REXO1: variants seen among roughly 807,000 people sequenced by gnomAD.
The protein encoded by REXO1 is REX1, RNA exonuclease 1 homolog.
A neutral mutation model predicts 102.6 loss-of-function variants in REXO1; 42 were observed. That is an observed-to-expected ratio of 0.41 (90% CI 0.32 to 0.53). REXO1 has a LOEUF of 0.53. Ranked by LOEUF, REXO1 falls within the 20% of genes least tolerant of loss-of-function variation. The pLI, the probability that REXO1 is intolerant of heterozygous loss-of-function variation, is 0.27. For synonymous variants in REXO1, 908 were observed against 779.1 expected (o/e 1.17, Z -2.76); for missense variants, 1,819 against 1,732.5 (o/e 1.05, Z -0.89).
Position 1,815,570 on chromosome 19 carries a change from A to C in REXO1, c.*496T>G. The C allele has an allele frequency of 1.2e-4, 63 of 537,926 alleles. No individual in the cohort carries two copies. The highest frequency in any genetic ancestry group is 1.5e-4 in the Non-Finnish European group (55 of 366,256). The allele number at this position is 537,926 out of a possible 1,614,324, so 33.3% of individuals were successfully genotyped here. The stretch of plus-strand genomic sequence containing the variant: ...GGGGTCTGTCCCACCCCCACCCCGC[A>C]GGAGGGAAGGCAGCAGGCCCGCTCT... On this transcript the variant is annotated 3_prime_UTR_variant, in exon 16 of 16. Coordinates refer to ENST00000170168, the MANE Select transcript of REXO1 (RefSeq NM_020695.4). The surrounding 1 kb of genome is among the most constrained non-coding windows in gnomAD (Gnocchi z 4.0).
At chr19:1,829,362 C>A (rs1055499458) in intron 1 of REXO1, among the ~76,000 whole-genome samples, 1 of 152,098 alleles carries the variant, frequency 6.6e-6, no homozygotes, top group African/African-American at 2.4e-5. Context: ...CCTCAGCCCC[C>A]CAAGTAGCTG....
intron 12 of REXO1, 119 bp downstream of exon 12, chr19:1,817,100 C>T (rs1555816438): frequency 1.5e-5 from 19 of 1,252,724 alleles, no homozygotes; most frequent in East Asian, 5.1e-5. Flanking sequence ...ACCGGTGCTG[C>T]GAGAGAAACC....
chr19:1,819,385 G>C lies in REXO1; in HGVS notation c.2651-254C>G, dbSNP rs546507511. Among the ~76,000 whole-genome samples, 5 of 152,240 alleles carry C rather than the reference G, an allele frequency of 3.3e-5. No individual in the cohort carries two copies. In the East Asian group the frequency reaches 7.7e-4, roughly 24 times the overall value. On this transcript the variant is annotated intron_variant, in intron 7 of 15. Transcript: ENST00000170168. Reference sequence around the variant, plus strand: ...CGGAGGCCCCACACCCAAAGTCTTCGTCCCCTCCCCTCAAGCGAAGGGGGA... The same window carrying C: ...CGGAGGCCCCACACCCAAAGTCTTCCTCCCCTCCCCTCAAGCGAAGGGGGA...
In REXO1 at chr19:1,827,580, G is replaced by A. The variant is rs756207396; in HGVS notation, c.1209C>T (p.Gly403=). The change falls in exon 2 of 16, where the codon GGC becomes GGT. Residue 403 remains glycine (G), a synonymous_variant. Coordinates refer to ENST00000170168, the MANE Select transcript of REXO1 (RefSeq NM_020695.4). ...GGGGCTTCTCCACAGGCCGCCCTCG[G>A]CCCTTGTCCTTGGTCTTGTCCTTCC... ...AQGKDKTKDK[G]RGRPVEKPRA... The A allele has an allele frequency of 1.9e-6, 3 of 1,592,566 alleles. No homozygotes were observed. In the East Asian group the frequency reaches 6.7e-5, roughly 36 times the overall value.
chr19:1,839,784 G>C (rs910641920), intron 1 of REXO1, among the ~76,000 whole-genome samples: 1 of 152,222 alleles, frequency 6.6e-6, no homozygotes, highest in Admixed American at 6.5e-5. Context: ...AGTCCTCCCT[G>C]CAGAAGCAGC....
At chr19:1,818,214 C>T (rs1475484330) in intron 10 of REXO1, among the ~76,000 whole-genome samples, 1 of 152,200 alleles carries the variant, frequency 6.6e-6, no homozygotes, top group African/African-American at 2.4e-5. Flanking sequence ...ACCAAGGGCA[C>T]AGGAAGGCAG....
intron 11 of REXO1, 60 bp from the exon 12 acceptor site, chr19:1,817,389 G>A: frequency 1.3e-6 from 2 of 1,596,464 alleles, no homozygotes; most frequent in Non-Finnish European, 8.5e-7. Context: ...GGGGGTGGCA[G>A]CAGCAGCACA....
chr19:1,843,991 G>T (rs1198710254), intron 1 of REXO1, among the ~76,000 whole-genome samples: 1 of 152,230 alleles, frequency 6.6e-6, no homozygotes, highest in Admixed American at 6.5e-5. Context: ...CAGAGTTTCC[G>T]AGGAGAGCTG....
intron 15 of REXO1, 21 bp from the exon 16 acceptor site, chr19:1,816,175 G>A (rs1230195775): frequency 6.4e-7 from 1 of 1,555,702 alleles, no homozygotes; most frequent in African/African-American, 1.4e-5. Context: ...GATGCGGTGA[G>A]CACCCGGCCC....
rs959352541 is a variant in REXO1, at chr19:1,832,444, C to T, written c.158-3813G>A. Among the ~76,000 whole-genome samples the T allele has an allele frequency of 1.6e-4, 25 of 152,342 alleles. 1 individual carries two copies. The highest frequency in any genetic ancestry group is 4.6e-4 in the Admixed American group (7 of 15,304). ...GAAGGCGGAAGGCCCCTCCTGTTCC[C>T]GGGAACCCTGCAGGGACAGCGGGAG... On this transcript the variant is annotated intron_variant, in intron 1 of 15. Coordinates refer to ENST00000170168, the MANE Select transcript of REXO1 (RefSeq NM_020695.4).
intron 4 of REXO1, chr19:1,823,021 C>T (rs35654074): frequency 6.5e-6 from 1 of 152,784 alleles, no homozygotes; most frequent in Non-Finnish European, 1.5e-5. Context: ...ACAGACACCA[C>T]TGATGTGAAG....
At chr19:1,833,983 C>A (rs944531251) in intron 1 of REXO1, among the ~76,000 whole-genome samples, 18 of 152,158 alleles carry the variant, frequency 1.2e-4, no homozygotes, top group Non-Finnish European at 2.6e-4. Context: ...AGGCTCTCCT[C>A]CCCAGGCAGG....
chr19:1,839,234 G>A (rs1183608375), intron 1 of REXO1, among the ~76,000 whole-genome samples: 2 of 145,690 alleles, frequency 1.4e-5, no homozygotes, highest in Non-Finnish European at 3.0e-5. Context: ...CAGCCAGGGC[G>A]ACAGAGCGAG....
intron 1 of REXO1, among the ~76,000 whole-genome samples, chr19:1,834,172 C>T (rs569459037): frequency 4.9e-4 from 75 of 152,274 alleles, no homozygotes; most frequent in African/African-American, 1.4e-3. Context: ...CCAAGAGTCA[C>T]AGGCAATACA....
intron 4 of REXO1, chr19:1,822,069 T>C (rs1033413219): frequency 8.4e-6 from 4 of 473,674 alleles, no homozygotes; most frequent in Non-Finnish European, 1.5e-5. Context: ...CTGCGGCCTC[T>C]GTGTTCTGCC....
Position 1,816,415 on chromosome 19 carries a change from CG to C in REXO1, c.3456+15del, listed in dbSNP as rs751682239. 78 of 1,608,382 alleles carry C rather than the reference CG, an allele frequency of 4.8e-5. No individual in the cohort carries two copies. The highest frequency in any genetic ancestry group is 6.5e-5 in the Non-Finnish European group (76 of 1,178,034). Reference sequence around the variant, plus strand: ...TCCTGCTGGAGAACCGCGCGGGACCCGGGCCGGCAGGGCACCTTCAGGGCCA... The same window carrying C: ...TCCTGCTGGAGAACCGCGCGGGACCCGGCCGGCAGGGCACCTTCAGGGCCA... On this transcript the variant is annotated intron_variant, in intron 14 of 15. Coordinates refer to ENST00000170168, the MANE Select transcript of REXO1 (RefSeq NM_020695.4).
intron 1 of REXO1, among the ~76,000 whole-genome samples, chr19:1,834,352 G>A (rs935773511): frequency 2.0e-5 from 3 of 152,174 alleles, no homozygotes; most frequent in Admixed American, 6.5e-5. Context: ...CAAGCAGAGC[G>A]CAGGACAGGT....
chr19:1,836,127 T>C (rs2070030985), intron 1 of REXO1, among the ~76,000 whole-genome samples: 1 of 152,076 alleles, frequency 6.6e-6, no homozygotes, highest in African/African-American at 2.4e-5. Flanking sequence ...TCCACTCTCC[T>C]CTCTGCTCCC....
At position 1,827,027 on chromosome 19, in the gene REXO1, A is replaced by T. The variant is rs1200291622; in HGVS notation, c.1762T>A (p.Ser588Thr). 8.4e-6 allele frequency: 10 copies of T among 1,196,586 alleles called. No individual in the cohort carries two copies. The highest frequency in any genetic ancestry group is 6.4e-5 in the Admixed American group (3 of 47,114). 74.1% of individuals were successfully genotyped at this position (1,196,586 alleles called of 1,614,324 possible). Residue 588 changes from serine to threonine, a missense_variant, in exon 2 of 16, where the codon TCC becomes ACC. Coordinates refer to ENST00000170168, the MANE Select transcript of REXO1 (RefSeq NM_020695.4). ...PAPSSSSSSS[S>T]STSSAGADVD... ...TCCGCCCCCGCGCTGGAGGTGGAGG[A>T]GGAGGAGGAGGAGGAGGAGGATGGG...
Sources: allele counts gnomAD v4.1 joint callset (sites outside exome capture counted in the v4.1 genomes callset), GRCh38; gene constraint gnomAD v4.1.1; non-coding constraint Gnocchi (gnomAD v3.1); transcripts MANE v1.5; gene names NCBI Gene and HGNC (gene_info 2026-07-23, HGNC 2026-07-21).